MDC1: variants seen among roughly 807,000 people sequenced by gnomAD.
MDC1 encodes the protein mediator of DNA damage checkpoint 1.
Under a neutral mutation model 142.5 loss-of-function variants are expected in MDC1, and 81 were observed. The ratio of observed to expected loss-of-function variants is 0.57; its 90% confidence interval spans 0.47 to 0.68. The LOEUF (loss-of-function observed/expected upper bound fraction) is 0.68, where lower values mean the gene tolerates loss of function less well. MDC1 is among the 30% of genes least tolerant of loss of function. MDC1 has a pLI of 0.00. For synonymous variants in MDC1, 797 were observed against 968.4 expected, an observed-to-expected ratio of 0.82 and a Z score of 3.29; for missense variants, 2,119 against 2,547.9, an observed-to-expected ratio of 0.83 and a Z score of 3.62.
At chr6:30,717,011 CAA>C in intron 1 of MDC1, 4 of 639,854 alleles carry the variant, frequency 6.3e-6, no homozygotes, top group Non-Finnish European at 7.8e-6. Flanking sequence ...GGCTCCAATT[CAA>C]AGAGCCACCA....
In MDC1 at chr6:30,706,110, C is replaced by A; in HGVS notation, c.3085-12G>T. ...GATTCCTGATCGCCCTAGGGAGAAA[C>A]AGAAGCAAGTGAGGGGGAGGAGGTG... On this transcript the variant is annotated splice_polypyrimidine_tract_variant and intron_variant, in intron 9 of 14. Coordinates refer to ENST00000376406, the MANE Select transcript of MDC1 (RefSeq NM_014641.3). The A allele has an allele frequency of 1.3e-6, 2 of 1,546,368 alleles. No homozygotes were observed. Among genetic ancestry groups the A allele is most frequent in the Non-Finnish European group, 1.7e-6 (2 of 1,156,052 alleles).
At position 30,707,639 on chromosome 6, in the gene MDC1, G is replaced by C. The variant is rs141493351; in HGVS notation, c.2940C>G (p.Thr980=). 7.1e-5 allele frequency: 115 copies of C among 1,613,084 alleles called. No individual in the cohort carries two copies. In the African/African-American group the frequency reaches 1.3e-3, roughly 19 times the overall value. ...GVGAGDLPGP[T]SAPVPSGSQS... is the part of the protein sequence containing the mutation. ...GGCTCCCAGAAGGTACGGGGGCTGA[G>C]GTAGGTCCCGGAAGGTCCCCCGCCC... is the stretch of plus-strand genomic sequence containing the variant. Residue 980 remains threonine, a synonymous_variant, in exon 8 of 15, where the codon ACC becomes ACG. Coordinates refer to ENST00000376406, the MANE Select transcript of MDC1 (RefSeq NM_014641.3).
At position 30,704,256 on chromosome 6, in the gene MDC1, T is replaced by C; in HGVS notation, c.4927A>G (p.Asn1643Asp). ...LTSRATRRKT[N>D]RSSVKTPKPV... ...TTGGGAGTCTTGACAGAGGACCTAT[T>C]TGTCTTTCTCCTAGTGGCCCTAGAT... Residue 1643 changes from asparagine to aspartate, a missense_variant, in exon 10 of 15, where the codon AAT becomes GAT. Coordinates refer to ENST00000376406, the MANE Select transcript of MDC1 (RefSeq NM_014641.3). The C allele has an allele frequency of 1.2e-6, 2 of 1,613,396 alleles. No homozygotes were observed. The highest frequency in any genetic ancestry group is 1.7e-6 in the Non-Finnish European group (2 of 1,179,722).
In MDC1 at chr6:30,704,028, T is replaced by G; in HGVS notation, c.5155A>C (p.Ser1719Arg). 1 of 1,614,172 alleles carries G rather than the reference T, an allele frequency of 6.2e-7. No individual in the cohort carries two copies. Among genetic ancestry groups the G allele is most frequent in the East Asian group, 2.2e-5 (1 of 44,884 alleles). The change falls in exon 10 of 15, where the codon AGT becomes CGT. Residue 1719 changes from serine (S) to arginine (R), a missense_variant. By Grantham distance (110) the Ser-to-Arg change is moderately radical. Transcript: ENST00000376406. ...GCGGCTCTCTGCCTCTTGATGCAACTGGGTTGAGTAATAGGCTCAGGGGAA... is the reference window on the plus strand; with the variant it reads ...GCGGCTCTCTGCCTCTTGATGCAACGGGGTTGAGTAATAGGCTCAGGGGAA... ...PISPEPITQP[S>R]CIKRQRAAGN... is the part of the protein sequence containing the mutation.
At position 30,700,436 on chromosome 6, in the gene MDC1, G is replaced by A; in HGVS notation, c.*29C>T. 6.3e-7 allele frequency: 1 copy of A among 1,595,068 alleles called. No individual in the cohort carries two copies. The highest frequency in any genetic ancestry group is 8.6e-7 in the Non-Finnish European group (1 of 1,166,244). On this transcript the variant is annotated 3_prime_UTR_variant, in exon 15 of 15. Coordinates refer to ENST00000376406, the MANE Select transcript of MDC1 (RefSeq NM_014641.3). ...TCTTCCACATATCTTCTAATTCGTG[G>A]TCTGGGAGGGAAAAGGGTAGTGGAG...
In MDC1 at chr6:30,714,120, G is replaced by A. The variant is rs755140078; in HGVS notation, c.200C>T (p.Pro67Leu). 17 of 1,612,314 alleles carry A rather than the reference G, an allele frequency of 1.1e-5. No homozygotes were observed. The highest frequency in any genetic ancestry group is 1.4e-5 in the Non-Finnish European group (16 of 1,180,020). ...GRMPDCSVAL[P>L]FPSISKQHAE... is the part of the protein sequence containing the mutation. ...ATGTTGTTTGGAGATAGATGGAAAG[G>A]GCAGGGCCACAGAGCAGTCAGGCAT... Residue 67 changes from proline to leucine, a missense_variant, in exon 3 of 15, where the codon CCC becomes CTC. Transcript: ENST00000376406.
intron 7 of MDC1, among the ~76,000 whole-genome samples, chr6:30,710,291 G>C (rs1774638824): frequency 6.6e-6 from 1 of 152,138 alleles, no homozygotes; most frequent in South Asian, 2.1e-4. Flanking sequence ...GTTTCACCAT[G>C]TTGGCCAGGC....
intron 9 of MDC1, 48 bp from the exon 10 acceptor site, chr6:30,706,146 A>C: frequency 6.9e-7 from 1 of 1,446,436 alleles, no homozygotes; most frequent in Admixed American, 2.2e-5. Context: ...GAGAAAAGAG[A>C]TAGAACTTGG....
intron 14 of MDC1, among the ~76,000 whole-genome samples, 168 bp downstream of exon 14, chr6:30,702,385 G>C (rs1772901708): frequency 6.6e-6 from 1 of 151,202 alleles, no homozygotes; most frequent in Non-Finnish European, 1.5e-5. Context: ...CAGCAGATCT[G>C]TCCCCTCATT....
chr6:30,699,931 A>G lies in MDC1; in HGVS notation c.*534T>C, dbSNP rs1772365070. 4.4e-6 allele frequency: 1 copy of G among 224,966 alleles called. No homozygotes were observed. Among genetic ancestry groups the G allele is most frequent in the South Asian group, 1.8e-4 (1 of 5,460 alleles). 13.9% of individuals were successfully genotyped at this position (224,966 alleles called of 1,614,324 possible). On this transcript the variant is annotated 3_prime_UTR_variant, in exon 15 of 15. Coordinates refer to ENST00000376406, the MANE Select transcript of MDC1 (RefSeq NM_014641.3). ...CAAAGTCAAAGCTAAAGATGCTTCC[A>G]GAGGCCAGGAGAGAAGAAAATGTTT... is the stretch of plus-strand genomic sequence containing the variant.
At chr6:30,706,124 G>C (rs1406608988) in intron 9 of MDC1, 26 bp from the exon 10 acceptor site, 15 of 1,521,512 alleles carry the variant, frequency 9.9e-6, no homozygotes, top group Non-Finnish European at 1.3e-5. Flanking sequence ...AGCAAGTGAG[G>C]GGGAGGAGGT....
chr6:30,707,399 A>G lies in MDC1; in HGVS notation c.3069T>C (p.Ala1023=). 1 of 1,613,140 alleles carries G rather than the reference A, an allele frequency of 6.2e-7. No individual in the cohort carries two copies. Among genetic ancestry groups the G allele is most frequent in the Non-Finnish European group, 8.5e-7 (1 of 1,180,046 alleles). The change falls in exon 9 of 15, where the codon GCT becomes GCC. Residue 1023 remains alanine, a synonymous_variant. Coordinates refer to ENST00000376406, the MANE Select transcript of MDC1 (RefSeq NM_014641.3). ...PAEKASRIRA[A]EKVSRGDQES... is the part of the protein sequence containing the mutation. The stretch of plus-strand genomic sequence containing the variant: ...TAGCTCTCACCCTGGAAACCTTCTC[A>G]GCAGCTCTGATCCTGGAAGCCTTCT...
intron 14 of MDC1, among the ~76,000 whole-genome samples, chr6:30,702,280 A>AAAAAAAAG (rs1562073140): frequency 7.5e-6 from 1 of 132,562 alleles, no homozygotes; most frequent in Non-Finnish European, 1.7e-5. Flanking sequence ...AAAAAAAAAA[A>AAAAAAAAG]AGAAAATCAA....
At position 30,711,670 on chromosome 6, in the gene MDC1, C is replaced by T. The variant is rs1195424894; in HGVS notation, c.2125G>A (p.Glu709Lys). ...CAAATAACACAGAAGTCCTCACCTT[C>T]CAGGCCCTGATTCTCCAGAAAGCAC... ...TQCFLENQGL[E>K]AVQSMEDEPT... Residue 709 changes from glutamate (E) to lysine (K), a missense_variant, in exon 6 of 15, where the codon GAA (glutamate) becomes AAA (lysine). Glu to Lys is a moderately conservative substitution (Grantham distance 56). Transcript: ENST00000376406. 3 of 1,612,984 alleles carry T rather than the reference C, an allele frequency of 1.9e-6. No homozygotes were observed. Among genetic ancestry groups the T allele is most frequent in the Non-Finnish European group, 2.5e-6 (3 of 1,179,982 alleles).
In MDC1 at chr6:30,703,504, T is replaced by C; in HGVS notation, c.5596A>G (p.Arg1866Gly). ...TTGGGCTCCTCCTCTGCCTGGTCTC[T>C]CTTTCTCTTGCCTGGTTTTGGAGTC... ...VVTPKPGKRK[R>G]DQAEEEPNRI... Residue 1866 changes from arginine to glycine, a missense_variant, in exon 11 of 15, where the codon AGA becomes GGA. Transcript: ENST00000376406. This position sits in a 1 kb window ranked among gnomAD's most constrained non-coding sequence, Gnocchi z 4.4. 6.2e-7 allele frequency: 1 copy of C among 1,613,736 alleles called. No homozygotes were observed. The highest frequency in any genetic ancestry group is 8.5e-7 in the Non-Finnish European group (1 of 1,180,040).
Position 30,709,793 on chromosome 6 carries a change from A to T in MDC1, c.2222-1436T>A, listed in dbSNP as rs1178886365. Among the ~76,000 whole-genome samples, 1 of 152,196 alleles carries T rather than the reference A, an allele frequency of 6.6e-6. No individual in the cohort carries two copies. The highest frequency in any genetic ancestry group is 1.5e-5 in the Non-Finnish European group (1 of 68,032). On this transcript the variant is annotated intron_variant, in intron 7 of 14. Coordinates refer to ENST00000376406, the MANE Select transcript of MDC1 (RefSeq NM_014641.3). The surrounding 1 kb of genome is among the most constrained non-coding windows in gnomAD (Gnocchi z 4.2). ...TCTGTGCTGACTTATTTCACTTAACATAATGTCCTCAGGGTTCATCCATGT... is the reference window on the plus strand; with the variant it reads ...TCTGTGCTGACTTATTTCACTTAACTTAATGTCCTCAGGGTTCATCCATGT...
At chr6:30,710,951 C>T (rs141695633) in intron 7 of MDC1, among the ~76,000 whole-genome samples, 17 of 152,072 alleles carry the variant, frequency 1.1e-4, no homozygotes, top group Admixed American at 9.2e-4. Flanking sequence ...GACCAGGTCT[C>T]TCTCTGTTGC....
Position 30,715,135 on chromosome 6 carries a change from T to G in MDC1, c.41A>C (p.Glu14Ala), listed in dbSNP as rs1272471741. 1.2e-6 allele frequency: 2 copies of G among 1,614,180 alleles called. No individual in the cohort carries two copies. The highest frequency in any genetic ancestry group is 2.2e-5 in the South Asian group (2 of 91,086). Residue 14 changes from glutamate to alanine, a missense_variant, in exon 2 of 15, where the codon GAG (glutamate) becomes GCG (alanine). Coordinates refer to ENST00000376406, the MANE Select transcript of MDC1 (RefSeq NM_014641.3). The surrounding 1 kb of genome is among the most constrained non-coding windows in gnomAD (Gnocchi z 4.1). ...TQAIDWDVEEEEETEQSSESL... is the reference protein window; with the variant it reads ...TQAIDWDVEEAEETEQSSESL... ...TTCACTGGATTGCTCTGTCTCCTCC[T>G]CTTCTTCAACATCCCAGTCAATAGC...
At chr6:30,711,830 C>T in intron 5 of MDC1, 44 bp downstream of exon 5, 4 of 1,548,808 alleles carry the variant, frequency 2.6e-6, no homozygotes, top group Non-Finnish European at 3.5e-6. Context: ...GCTGTTAGAA[C>T]CCTGGTTGAT....
Sources: gnomAD v4.1 joint callset for allele counts (sites outside exome capture counted in the v4.1 genomes callset) on GRCh38, gnomAD v4.1.1 for gene constraint, Gnocchi (gnomAD v3.1) non-coding constraint, MANE v1.5 for transcripts, NCBI Gene and HGNC (gene_info 2026-07-23, HGNC 2026-07-21) for gene names.